The following MACROD2 variants were observed in gnomAD, a reference collection of about 807,000 sequenced individuals.
MACROD2 encodes ADP-ribose glycohydrolase MACROD2.
MACROD2 carries 36 observed loss-of-function variants against 70.4 expected under a neutral mutation model. The ratio of observed to expected loss-of-function variants is 0.51; its 90% confidence interval spans 0.39 to 0.68. MACROD2 has a LOEUF of 0.68. MACROD2 is among the 30% of genes least tolerant of loss of function. The pLI, the probability that MACROD2 is intolerant of heterozygous loss-of-function variation, is 0.00. For synonymous variants in MACROD2, 172 were observed against 178.8 expected, an observed-to-expected ratio of 0.96 and a Z score of 0.30; for missense variants, 496 against 538.4, an observed-to-expected ratio of 0.92 and a Z score of 0.78.
At chr20:15,321,901 T>C (rs1165650245) in intron 6 of MACROD2, among the ~76,000 whole-genome samples, 1 of 143,872 alleles carries the variant, frequency 7.0e-6, no homozygotes, top group East Asian at 2.0e-4. Context: ...CAAGTAATTC[T>C]CCTACCTCAG....
chr20:15,171,451 C>A (rs2076421701), intron 5 of MACROD2, among the ~76,000 whole-genome samples: 1 of 151,508 alleles, frequency 6.6e-6, no homozygotes, highest in African/African-American at 2.4e-5. Flanking sequence ...CCTACCTTCC[C>A]CCATCACTCT....
At chr20:15,376,147 T>C (rs950060300) in intron 6 of MACROD2, among the ~76,000 whole-genome samples, 1 of 152,234 alleles carries the variant, frequency 6.6e-6, no homozygotes, top group African/African-American at 2.4e-5. Context: ...ATACTTGTTA[T>C]TAATACTTGC....
At chr20:15,990,816 C>T (rs932863515) in intron 15 of MACROD2, among the ~76,000 whole-genome samples, 18 of 152,044 alleles carry the variant, frequency 1.2e-4, no homozygotes, top group African/African-American at 3.6e-4. Context: ...CCTTAAACTT[C>T]GAAGAATCCC....
intron 12 of MACROD2, among the ~76,000 whole-genome samples, chr20:15,946,070 C>G (rs2147351930): frequency 6.6e-6 from 1 of 152,226 alleles, no homozygotes; most frequent in Middle Eastern, 3.4e-3. Flanking sequence ...AATGAGTACA[C>G]AGAAACCTCC....
At chr20:16,019,890 A>G (rs1039918822) in intron 15 of MACROD2, among the ~76,000 whole-genome samples, 8 of 152,192 alleles carry the variant, frequency 5.3e-5, no homozygotes, top group Non-Finnish European at 7.4e-5. Flanking sequence ...CAGCCCCAGC[A>G]GTAGCACATG....
rs1397685811 is a variant in MACROD2, at chr20:16,047,674, C to G, written c.1301-2156C>G. On this transcript the variant is annotated intron_variant, in intron 17 of 17. Transcript: ENST00000684519. ...TCCCTTTCAGATGTTCTGGCCCCAG[C>G]AGGTACCACCCTCAAGCAGATGAAC... 3.8e-4 allele frequency among the ~76,000 whole-genome samples: 11 copies of G among 29,024 alleles called. No homozygotes were observed. In the Admixed American group the frequency reaches 4.0e-3, roughly 11 times the overall value. 19.0% of individuals were successfully genotyped at this position (29,024 alleles called of 152,430 possible).
chr20:15,874,646 T>C (rs1265389747), intron 9 of MACROD2, among the ~76,000 whole-genome samples: 1 of 152,192 alleles, frequency 6.6e-6, no homozygotes. Context: ...GGTTTCAATT[T>C]GCATTTCTCT....
At chr20:14,055,107 A>G (rs139754103) in intron 2 of MACROD2, among the ~76,000 whole-genome samples, 30 of 152,248 alleles carry the variant, frequency 2.0e-4, no homozygotes, top group African/African-American at 6.0e-4. Context: ...CTCATCTACT[A>G]TGTTACAGTA....
chr20:14,642,917 A>G lies in MACROD2; in HGVS notation c.302-41926A>G, dbSNP rs184726830. On this transcript the variant is annotated intron_variant, in intron 4 of 17. Transcript: ENST00000684519. Reference sequence around the variant, plus strand: ...TGGTGCTGATAGTCTTGCTCAACACATGGTTGCCACAAACCTTCAGTTTGT... The same window carrying G: ...TGGTGCTGATAGTCTTGCTCAACACGTGGTTGCCACAAACCTTCAGTTTGT... Among the ~76,000 whole-genome samples, 571 of 152,240 alleles carry G rather than the reference A, an allele frequency of 3.8e-3. 5 individuals are homozygous for G. Among genetic ancestry groups the G allele is most frequent in the South Asian group, 0.014 (69 of 4,820 alleles).
At chr20:15,422,588 A>G (rs11698123) in intron 6 of MACROD2, among the ~76,000 whole-genome samples, 51,160 of 152,048 alleles carry the variant, frequency 0.34, 8,942 homozygotes, top group South Asian at 0.39. Flanking sequence ...GATAATGCAC[A>G]TAGAGCTCTG....
rs552125657 is a variant in MACROD2, at chr20:15,219,190, T to A, written c.419-10750T>A. Among the ~76,000 whole-genome samples the A allele has an allele frequency of 2.1e-4, 32 of 152,358 alleles. No homozygotes were observed. In the South Asian group the frequency reaches 3.9e-3, roughly 19 times the overall value. On this transcript the variant is annotated intron_variant, in intron 5 of 17. Transcript: ENST00000684519. ...TGAGGACAGATAAAATAGTTAATGA[T>A]GTTGCATTGGAAAAGTAAATATTAT...
chr20:14,629,864 T>C (rs1217170846), intron 4 of MACROD2, among the ~76,000 whole-genome samples: 1 of 152,152 alleles, frequency 6.6e-6, no homozygotes, highest in African/African-American at 2.4e-5. Flanking sequence ...TCAAAAACAC[T>C]GAGATTTATC....
intron 6 of MACROD2, among the ~76,000 whole-genome samples, chr20:15,407,634 G>T (rs1207377339): frequency 6.6e-6 from 1 of 152,092 alleles, no homozygotes; most frequent in African/African-American, 2.4e-5. Flanking sequence ...CATCCTGACT[G>T]CCACTCACTA....
chr20:15,325,420 A>G (rs918412797), intron 6 of MACROD2, among the ~76,000 whole-genome samples: 1 of 152,160 alleles, frequency 6.6e-6, no homozygotes, highest in African/African-American at 2.4e-5. Context: ...ATCATGTTAA[A>G]TCCTTCCTTT....
chr20:15,850,149 C>CA (rs2064280334), intron 8 of MACROD2, among the ~76,000 whole-genome samples: 2 of 152,216 alleles, frequency 1.3e-5, no homozygotes, highest in East Asian at 3.9e-4. Context: ...AATTAGAGTG[C>CA]AGGTAGATTA....
chr20:15,778,631 G>C (rs2051773316), intron 8 of MACROD2, among the ~76,000 whole-genome samples: 1 of 151,812 alleles, frequency 6.6e-6, no homozygotes, highest in Non-Finnish European at 1.5e-5. Flanking sequence ...AAAGATCTTT[G>C]AACCCTAAAT....
chr20:14,035,766 A>G (rs1464474843), intron 2 of MACROD2, among the ~76,000 whole-genome samples: 1 of 152,216 alleles, frequency 6.6e-6, no homozygotes, highest in African/African-American at 2.4e-5. Context: ...TCGGTTCCCA[A>G]AATTATTCAG....
intron 8 of MACROD2, among the ~76,000 whole-genome samples, chr20:15,832,678 G>A (rs1226750679): frequency 3.3e-5 from 5 of 152,214 alleles, no homozygotes; most frequent in Admixed American, 6.5e-5. Flanking sequence ...AGGGACATGT[G>A]CATCCCTGGC....
chr20:15,461,004 ATAT>A (rs1408595366), intron 7 of MACROD2, among the ~76,000 whole-genome samples: 49 of 47,774 alleles, frequency 1.0e-3, no homozygotes, highest in East Asian at 7.6e-3. Flanking sequence ...ATATATATAT[ATAT>A]TTTTTTTTAA....
Sources: allele counts gnomAD v4.1 joint callset (sites outside exome capture counted in the v4.1 genomes callset), GRCh38; gene constraint gnomAD v4.1.1; transcripts MANE v1.5; gene names NCBI Gene and HGNC (gene_info 2026-07-23, HGNC 2026-07-21).